The following RAB27A variants were observed in gnomAD, a reference collection of about 807,000 sequenced individuals.
RAB27A encodes the protein ras-related protein Rab-27A.
In RAB27A, 17 loss-of-function variants were observed where a neutral mutation model predicts 20.8. That is an observed-to-expected ratio of 0.82 (90% CI 0.56 to 1.23). RAB27A has a LOEUF of 1.23. Among genes scored for constraint, RAB27A ranks in the 50% most tolerant of loss-of-function variants. RAB27A has a pLI of 0.00. For missense variants in RAB27A, 277 were observed against 266.7 expected (o/e 1.04, Z -0.27); for synonymous variants, 85 against 92.8 (o/e 0.92, Z 0.48).
intron 6 of RAB27A, among the ~76,000 whole-genome samples, chr15:55,208,406 C>G (rs1044764537): frequency 6.6e-6 from 1 of 152,168 alleles, no homozygotes; most frequent in Non-Finnish European, 1.5e-5. Flanking sequence ...TATTGTAATG[C>G]ATAATGAACA....
At chr15:55,311,437 T>C (rs2055020197) in intron 2 of RAB27A, among the ~76,000 whole-genome samples, 1 of 152,158 alleles carries the variant, frequency 6.6e-6, no homozygotes, top group African/African-American at 2.4e-5. Context: ...GTTTACCCCT[T>C]TGTCTATCTC....
At position 55,228,692 on chromosome 15, in the gene RAB27A, G is replaced by C; in HGVS notation, c.260C>G (p.Ala87Gly). 6.2e-7 allele frequency: 1 copy of C among 1,613,348 alleles called. No homozygotes were observed. The highest frequency in any genetic ancestry group is 1.7e-4 in the Middle Eastern group (1 of 6,060). ...GQERFRSLTTAFFRDAMGFLL... is the reference protein window; with the variant it reads ...GQERFRSLTTGFFRDAMGFLL... ...AAAACCCATAGCATCTCTGAAGAACGCTGTCGTTAAGCTACGAAACCTAGG... is the reference window on the plus strand; with the variant it reads ...AAAACCCATAGCATCTCTGAAGAACCCTGTCGTTAAGCTACGAAACCTAGG... Residue 87 changes from alanine (A) to glycine (G), a missense_variant, in exon 5 of 7, where the codon GCG becomes GGG. Transcript: ENST00000336787.
chr15:55,252,476 C>T lies in RAB27A; in HGVS notation c.-22-17520G>A, dbSNP rs112826790. ...AATTAGCTAGGCGTGGGGACACGTGCCTGTAATCCTAGCTACTCTGAAGGC... is the reference window on the plus strand; with the variant it reads ...AATTAGCTAGGCGTGGGGACACGTGTCTGTAATCCTAGCTACTCTGAAGGC... On this transcript the variant is annotated intron_variant, in intron 2 of 6. Coordinates refer to ENST00000336787, the MANE Select transcript of RAB27A (RefSeq NM_183235.3). Among the ~76,000 whole-genome samples the T allele has an allele frequency of 8.3e-3, 1,267 of 152,128 alleles. 23 individuals carry two copies. The highest frequency in any genetic ancestry group is 0.029 in the African/African-American group (1,217 of 41,498).
intron 1 of RAB27A, among the ~76,000 whole-genome samples, chr15:55,315,630 G>A (rs531474637): frequency 2.0e-4 from 30 of 152,214 alleles, no homozygotes; most frequent in Non-Finnish European, 3.5e-4. Context: ...AGACATTTAC[G>A]CAGCCAACAA....
intron 2 of RAB27A, among the ~76,000 whole-genome samples, chr15:55,247,828 G>A (rs1896744805): frequency 6.6e-6 from 1 of 151,792 alleles, no homozygotes; most frequent in Non-Finnish European, 1.5e-5. Flanking sequence ...GAGAATATGA[G>A]TACCATCAAT....
At chr15:55,263,625 CG>C (rs1256004918) in intron 2 of RAB27A, among the ~76,000 whole-genome samples, 1 of 152,118 alleles carries the variant, frequency 6.6e-6, no homozygotes, top group African/African-American at 2.4e-5. Flanking sequence ...CAAGGAATAA[CG>C]TTTATGCATT....
chr15:55,266,124 C>G (rs577176920), intron 2 of RAB27A, among the ~76,000 whole-genome samples: 1 of 152,178 alleles, frequency 6.6e-6, no homozygotes, highest in African/African-American at 2.4e-5. Flanking sequence ...GGAGGCAGGT[C>G]TTTGGGAAGT....
chr15:55,228,759 C>A (rs1426458445), intron 4 of RAB27A, 47 bp from the exon 5 acceptor site: 1 of 1,345,236 alleles, frequency 7.4e-7, no homozygotes, highest in Non-Finnish European at 1.1e-6. Context: ...GGCCCCACTC[C>A]TGAAATATAA....
intron 2 of RAB27A, among the ~76,000 whole-genome samples, chr15:55,250,521 T>A (rs1281591687): frequency 1.3e-5 from 2 of 152,322 alleles, no homozygotes; most frequent in Admixed American, 6.5e-5. Flanking sequence ...AGGAAGTACA[T>A]GTGAACTACA....
In RAB27A at chr15:55,234,776, A is replaced by G. The variant is rs760188894; in HGVS notation, c.153+6T>C. On this transcript the variant is annotated splice_donor_region_variant and intron_variant, in intron 3 of 6. Coordinates refer to ENST00000336787, the MANE Select transcript of RAB27A (RefSeq NM_183235.3). ...ACATTTTTACATAGAAGGATATAGA[A>G]CTTACCACTCTTTTTTCCCTGAAAT... 6.2e-7 allele frequency: 1 copy of G among 1,607,126 alleles called. No homozygotes were observed. Among genetic ancestry groups the G allele is most frequent in the Non-Finnish European group, 8.5e-7 (1 of 1,174,026 alleles).
chr15:55,264,792 T>A (rs1033568283), intron 2 of RAB27A, among the ~76,000 whole-genome samples: 1 of 152,140 alleles, frequency 6.6e-6, no homozygotes, highest in Non-Finnish European at 1.5e-5. Context: ...ATTCATTCAG[T>A]CATTTAAGCA....
intron 2 of RAB27A, chr15:55,314,016 A>AAACC (rs1477885223): frequency 3.6e-5 from 5 of 140,788 alleles, no homozygotes; most frequent in Non-Finnish European, 7.1e-5. Flanking sequence ...ATAAATAAAT[A>AAACC]AACCGGGTGT....
At chr15:55,267,126 T>C (rs1897522113) in intron 2 of RAB27A, among the ~76,000 whole-genome samples, 1 of 152,210 alleles carries the variant, frequency 6.6e-6, no homozygotes, top group Non-Finnish European at 1.5e-5. Context: ...TGAAGTGGTC[T>C]GGGCCTTCTC....
At position 55,281,968 on chromosome 15, in the gene RAB27A, A is replaced by G. The variant is rs571770592; in HGVS notation, c.-143+7748T>C. Among the ~76,000 whole-genome samples, 148 of 152,200 alleles carry G rather than the reference A, an allele frequency of 9.7e-4. 1 individual carries two copies. The highest frequency in any genetic ancestry group is 1.5e-3 in the Non-Finnish European group (101 of 68,030). On this transcript the variant is annotated intron_variant, in intron 1 of 6. Transcript: ENST00000336787. ...TTGGGACATCACTGGCTTTGTGTGA[A>G]GAATGGGCTATGGCAGGGAGGGGCA...
At chr15:55,215,919 C>T (rs557644676) in intron 6 of RAB27A, among the ~76,000 whole-genome samples, 1 of 129,558 alleles carries the variant, frequency 7.7e-6, no homozygotes, top group East Asian at 2.2e-4. Flanking sequence ...GCACTCAAGG[C>T]TGGGCAACAG....
chr15:55,210,060 ATGTG>A (rs577226735), intron 6 of RAB27A, among the ~76,000 whole-genome samples: 5 of 137,486 alleles, frequency 3.6e-5, no homozygotes, highest in Non-Finnish European at 6.2e-5. Context: ...ATATACACAT[ATGTG>A]TGTGTACATA....
intron 6 of RAB27A, among the ~76,000 whole-genome samples, chr15:55,212,671 AGGCG>A (rs1360313153): frequency 6.6e-6 from 1 of 151,894 alleles, no homozygotes; most frequent in Non-Finnish European, 1.5e-5. Flanking sequence ...CTGGGATTAC[AGGCG>A]GCTGCCACCA....
chr15:55,265,713 G>C (rs1054101513), intron 2 of RAB27A, among the ~76,000 whole-genome samples: 2 of 152,104 alleles, frequency 1.3e-5, no homozygotes, highest in Admixed American at 1.3e-4. Context: ...GGCAGGTAAG[G>C]GTTTGAGGGT....
intron 6 of RAB27A, among the ~76,000 whole-genome samples, chr15:55,210,719 A>T (rs896697805): frequency 6.6e-6 from 1 of 152,022 alleles, no homozygotes. Flanking sequence ...TCTATGGGTT[A>T]TCTCTTCATT....
Sources: gnomAD v4.1 joint callset for allele counts (sites outside exome capture counted in the v4.1 genomes callset) on GRCh38, gnomAD v4.1.1 for gene constraint, MANE v1.5 for transcripts, NCBI Gene and HGNC (gene_info 2026-07-23, HGNC 2026-07-21) for gene names.